The following MAGEB10 variants were observed in gnomAD, a reference collection of about 807,000 sequenced individuals.
MAGEB10 encodes MAGE family member B10, also known as melanoma-associated antigen B10.
For missense variants in MAGEB10, 190 were observed against 261.9 expected (o/e 0.73, Z 1.89); for synonymous variants, 99 against 101.0 (o/e 0.98, Z 0.12).
chrX:27,821,780 G>A lies in MAGEB10; in HGVS notation c.474G>A (p.Glu158=). ...CTGTAATCCTGAGCAGAGCTTCTGA[G>A]CACCTGGAGCTGATCTTTGGTCTTG... is the stretch of plus-strand genomic sequence containing the variant. ...QFPVILSRAS[E]HLELIFGLDL... Residue 158 remains glutamate, a synonymous_variant, in exon 3 of 3, where the codon GAG becomes GAA. Coordinates refer to ENST00000356790, the MANE Select transcript of MAGEB10 (RefSeq NM_182506.3). 4.1e-6 allele frequency: 5 copies of A among 1,211,889 alleles called. No individual in the cohort carries two copies. The highest frequency in any genetic ancestry group is 5.6e-6 in the Non-Finnish European group (5 of 895,561).
intron 1 of MAGEB10, among the ~76,000 whole-genome samples, chrX:27,810,348 C>A (rs966937472): frequency 9.0e-6 from 1 of 111,705 alleles, no homozygotes; most frequent in Non-Finnish European, 1.9e-5. Flanking sequence ...GGAACAAACT[C>A]CGGACACGCC....
chrX:27,822,203 T>C lies in MAGEB10; in HGVS notation c.897T>C (p.Ala299=). 1.7e-6 allele frequency: 2 copies of C among 1,211,537 alleles called. No individual in the cohort carries two copies. Among genetic ancestry groups the C allele is most frequent in the Non-Finnish European group, 2.2e-6 (2 of 895,394 alleles). The part of the protein sequence containing the change: ...LEFLAKVNDT[A]PSEFSNWYTE... ...TTTTGGCCAAGGTAAATGATACAGC[T>C]CCCAGTGAATTCTCAAACTGGTATA... is the stretch of plus-strand genomic sequence containing the variant. Residue 299 remains alanine (A), a synonymous_variant, in exon 3 of 3, where the codon GCT becomes GCC. Transcript: ENST00000356790.
chrX:27,816,649 G>A (rs1463384602), intron 1 of MAGEB10, among the ~76,000 whole-genome samples: 1 of 111,700 alleles, frequency 9.0e-6, no homozygotes, highest in Non-Finnish European at 1.9e-5. Flanking sequence ...AGTGCAGCGG[G>A]GTGAACCCTC....
intron 1 of MAGEB10, among the ~76,000 whole-genome samples, chrX:27,815,863 CT>C (rs1479513567): frequency 8.9e-6 from 1 of 111,947 alleles, no homozygotes; most frequent in Non-Finnish European, 1.9e-5. Flanking sequence ...CCAAATCAAG[CT>C]GTCAAAGCCT....
chrX:27,819,962 G>A (rs1035608892), intron 2 of MAGEB10, among the ~76,000 whole-genome samples: 15 of 111,217 alleles, frequency 1.3e-4, no homozygotes, highest in Non-Finnish European at 2.6e-4. Context: ...CCATGCCCTT[G>A]CTGTTAGTGG....
chrX:27,820,636 C>T (rs908175719), intron 2 of MAGEB10, among the ~76,000 whole-genome samples: 7 of 111,373 alleles, frequency 6.3e-5, no homozygotes, highest in Non-Finnish European at 1.1e-4. Context: ...AGGTCTCTCT[C>T]ACTTTCTCCT....
In MAGEB10 at chrX:27,821,530, C is replaced by T. The variant is rs754057835; in HGVS notation, c.224C>T (p.Thr75Ile). ...REAQSTSTSA[T>I]AASHTRHPEG... Reference sequence around the variant, plus strand: ...GCCCAATCCACCAGCACATCTGCTACAGCTGCTTCACACACAAGACATCCC... The same window carrying T: ...GCCCAATCCACCAGCACATCTGCTATAGCTGCTTCACACACAAGACATCCC... The change falls in exon 3 of 3, where the codon ACA (threonine) becomes ATA (isoleucine). Residue 75 changes from threonine (T) to isoleucine (I), a missense_variant. By Grantham distance (89) the Thr-to-Ile change is moderately conservative (BLOSUM62 -1). Coordinates refer to ENST00000356790, the MANE Select transcript of MAGEB10 (RefSeq NM_182506.3). 99 of 1,208,896 alleles carry T rather than the reference C, an allele frequency of 8.2e-5. 1 individual carries two copies. The South Asian group carries it at 8.3e-4, about 10-fold the overall frequency.
At chrX:27,818,924 G>A (rs1923831146) in intron 2 of MAGEB10, among the ~76,000 whole-genome samples, 1 of 111,374 alleles carries the variant, frequency 9.0e-6, no homozygotes, top group East Asian at 2.8e-4. Flanking sequence ...TGTGAGGTAG[G>A]GGCATTGGAC....
chrX:27,808,463 T>C (rs1204789746), intron 1 of MAGEB10, among the ~76,000 whole-genome samples: 5 of 112,006 alleles, frequency 4.5e-5, no homozygotes, highest in Non-Finnish European at 7.5e-5. Context: ...CTTCCGCTTC[T>C]GCCGTCCGTG....
At chrX:27,814,556 T>G in intron 1 of MAGEB10, among the ~76,000 whole-genome samples, 1 of 112,149 alleles carries the variant, frequency 8.9e-6, no homozygotes, top group South Asian at 3.7e-4. Context: ...GGACATCTCT[T>G]GCTTTAAAAA....
chrX:27,809,422 C>A (rs1477241729), intron 1 of MAGEB10, among the ~76,000 whole-genome samples: 3 of 34,840 alleles, frequency 8.6e-5, no homozygotes, highest in Non-Finnish European at 1.5e-4. Context: ...CCAGCCCCCC[C>A]CAACCCCGCC....
chrX:27,822,096 C>T lies in MAGEB10; in HGVS notation c.790C>T (p.Pro264Ser), dbSNP rs1171547999. The T allele has an allele frequency of 1.7e-6, 2 of 1,211,962 alleles. No homozygotes were observed. The highest frequency in any genetic ancestry group is 2.2e-6 in the Non-Finnish European group (2 of 895,537). The stretch of plus-strand genomic sequence containing the variant: ...AAATTACCTGGAGTACCAGCAAGTG[C>T]CCAACAGTGATCCTCCACGCTATCA... ...KENYLEYQQVPNSDPPRYQFL... is the reference protein window; with the variant it reads ...KENYLEYQQVSNSDPPRYQFL... The change falls in exon 3 of 3, where the codon CCC becomes TCC. Residue 264 changes from proline to serine, a missense_variant. Pro to Ser is a moderately conservative substitution (Grantham distance 74, BLOSUM62 -1). Coordinates refer to ENST00000356790, the MANE Select transcript of MAGEB10 (RefSeq NM_182506.3).
Position 27,821,641 on chromosome X carries a change from A to G in MAGEB10, c.335A>G (p.Asp112Gly). 3 of 1,211,442 alleles carry G rather than the reference A, an allele frequency of 2.5e-6. No individual in the cohort carries two copies. The highest frequency in any genetic ancestry group is 3.4e-6 in the Non-Finnish European group (3 of 895,306). ...GATAGCTTTCCCAGAGGCCCTGTAG[A>G]TGAGAAAGTAATTATATTGGTGCAT... is the stretch of plus-strand genomic sequence containing the variant. ...ATDSFPRGPV[D>G]EKVIILVHYL... Residue 112 changes from aspartate to glycine, a missense_variant, in exon 3 of 3, where the codon GAT (aspartate) becomes GGT (glycine). Transcript: ENST00000356790.
intron 1 of MAGEB10, among the ~76,000 whole-genome samples, chrX:27,814,837 T>G (rs1044560003): frequency 2.7e-5 from 3 of 112,295 alleles, no homozygotes; most frequent in African/African-American, 9.7e-5. Context: ...ACTGTTGCAC[T>G]CCTTCCTGCA....
intron 2 of MAGEB10, among the ~76,000 whole-genome samples, chrX:27,820,825 G>A (rs1009324026): frequency 9.0e-6 from 1 of 111,377 alleles, no homozygotes; most frequent in Non-Finnish European, 1.9e-5. Flanking sequence ...CATCCTGGAT[G>A]TCCTCAGGCA....
chrX:27,808,102 G>C (rs771023553), intron 1 of MAGEB10, 66 bp downstream of exon 1: 1 of 112,782 alleles, frequency 8.9e-6, no homozygotes, highest in Non-Finnish European at 1.9e-5. Context: ...ACGCCATGCC[G>C]TCCGGCCTCG....
chrX:27,819,760 GGCTTCT>G (rs1923847660), intron 2 of MAGEB10, among the ~76,000 whole-genome samples: 1 of 111,630 alleles, frequency 9.0e-6, no homozygotes, highest in African/African-American at 3.3e-5. Context: ...ACAGCATCCA[GGCTTCT>G]GCTTTCAGGC....
chrX:27,809,222 C>T (rs761626731), intron 1 of MAGEB10, among the ~76,000 whole-genome samples: 7 of 110,659 alleles, frequency 6.3e-5, no homozygotes, highest in South Asian at 3.8e-4. Flanking sequence ...TTGGCGGGCC[C>T]GGCACTCAGA....
At chrX:27,811,491 T>G (rs959317078) in intron 1 of MAGEB10, among the ~76,000 whole-genome samples, 6 of 111,148 alleles carry the variant, frequency 5.4e-5, no homozygotes, top group African/African-American at 2.0e-4. Context: ...ATCAAAACAG[T>G]TCAGCAGTGA....
Sources: gnomAD v4.1 joint callset for allele counts (sites outside exome capture counted in the v4.1 genomes callset) on GRCh38, gnomAD v4.1.1 for gene constraint, MANE v1.5 for transcripts, NCBI Gene and HGNC (gene_info 2026-07-23, HGNC 2026-07-21) for gene names.